CADM2: variants seen among roughly 807,000 people sequenced by gnomAD.
The protein encoded by CADM2 is immunoglobulin superfamily member 4D.
Under a neutral mutation model 49.8 loss-of-function variants are expected in CADM2, and 12 were observed. The observed-to-expected ratio is 0.24, with a 90% CI of 0.15 to 0.39. CADM2 has a LOEUF of 0.39. CADM2 is among the 10% of genes least tolerant of loss of function. CADM2 has a pLI of 1.00. For missense variants in CADM2, 378 were observed against 492.3 expected, an observed-to-expected ratio of 0.77 and a Z score of 2.20; for synonymous variants, 214 against 175.4, an observed-to-expected ratio of 1.22 and a Z score of -1.74.
intron 1 of CADM2, among the ~76,000 whole-genome samples, chr3:85,270,506 T>A (rs1474227175): frequency 6.6e-6 from 1 of 151,428 alleles, no homozygotes; most frequent in Non-Finnish European, 1.5e-5. Context: ...CTTATTTTAT[T>A]AGGTTCCCTT....
rs1282325065 is a variant in CADM2, at chr3:85,579,709, TA to T, written c.62-146809del. Among the ~76,000 whole-genome samples, 8 of 152,254 alleles carry T rather than the reference TA, an allele frequency of 5.3e-5. No homozygotes were observed. In the South Asian group the frequency reaches 1.2e-3, roughly 24 times the overall value. ...AGTGCCAGTGACCTAATGAAACATT[TA>T]AAATGATGAATGGCCTTGTGTAGAA... On this transcript the variant is annotated intron_variant, in intron 1 of 9. Transcript: ENST00000383699.
intron 1 of CADM2, among the ~76,000 whole-genome samples, chr3:85,675,028 A>G (rs2107643238): frequency 6.6e-6 from 1 of 152,300 alleles, no homozygotes; most frequent in Non-Finnish European, 1.5e-5. Flanking sequence ...TGTGCATTAT[A>G]AAGTATTTGC....
chr3:84,958,989 G>C lies in CADM2; in HGVS notation c.-619G>C, dbSNP rs928267163. ...AGCTTGCCCTTGTGTCTGGTGCTTCGTAGAGCTGCCGCCGTCGCCGCTGCC... is the reference window on the plus strand; with the variant it reads ...AGCTTGCCCTTGTGTCTGGTGCTTCCTAGAGCTGCCGCCGTCGCCGCTGCC... On this transcript the variant is annotated 5_prime_UTR_variant, in exon 1 of 10. Transcript: ENST00000383699. 2.0e-5 allele frequency: 4 copies of C among 196,010 alleles called. No individual in the cohort carries two copies. The highest frequency in any genetic ancestry group is 4.1e-5 in the Non-Finnish European group (4 of 97,172). The allele number at this position is 196,010 out of a possible 1,614,324, so 12.1% of individuals were successfully genotyped here. A position where few individuals can be genotyped will look rare whatever the true frequency, so the allele number is the denominator to read the frequency against.
chr3:85,919,592 G>A (rs1718834878), intron 6 of CADM2, among the ~76,000 whole-genome samples: 1 of 151,772 alleles, frequency 6.6e-6, no homozygotes, highest in African/African-American at 2.4e-5. Flanking sequence ...TGACCTTCTT[G>A]ATGATTATAT....
At chr3:85,383,544 A>G (rs941896223) in intron 1 of CADM2, among the ~76,000 whole-genome samples, 1 of 146,822 alleles carries the variant, frequency 6.8e-6, no homozygotes, top group Non-Finnish European at 1.5e-5. Flanking sequence ...ATATACATAT[A>G]TATATACATA....
At chr3:85,259,099 A>G (rs1311030794) in intron 1 of CADM2, among the ~76,000 whole-genome samples, 1 of 152,146 alleles carries the variant, frequency 6.6e-6, no homozygotes, top group African/African-American at 2.4e-5. Flanking sequence ...AGGCTTTACA[A>G]AGGGAAACTA....
chr3:85,853,875 A>C (rs2075202519), intron 3 of CADM2, among the ~76,000 whole-genome samples: 1 of 152,140 alleles, frequency 6.6e-6, no homozygotes, highest in South Asian at 2.1e-4. Flanking sequence ...TCATTACTAA[A>C]GGGCTAACTT....
intron 1 of CADM2, among the ~76,000 whole-genome samples, chr3:85,603,352 A>G (rs2063464370): frequency 6.6e-6 from 1 of 151,862 alleles, no homozygotes; most frequent in African/African-American, 2.4e-5. Flanking sequence ...CAGTTTAACT[A>G]CTTAACTTTG....
intron 1 of CADM2, among the ~76,000 whole-genome samples, chr3:85,230,828 A>G (rs958890515): frequency 6.6e-6 from 1 of 152,030 alleles, no homozygotes; most frequent in Non-Finnish European, 1.5e-5. Context: ...GTCCTTTTGA[A>G]CCTTCTCATT....
chr3:85,251,353 T>G (rs1463486813), intron 1 of CADM2, among the ~76,000 whole-genome samples: 1 of 151,844 alleles, frequency 6.6e-6, no homozygotes, highest in African/African-American at 2.4e-5. Context: ...CAGATCCAAG[T>G]AGGAAATTAC....
chr3:85,211,852 A>G (rs1330754951), intron 1 of CADM2, among the ~76,000 whole-genome samples: 1 of 151,994 alleles, frequency 6.6e-6, no homozygotes, highest in Non-Finnish European at 1.5e-5. Context: ...TGTCTGGATG[A>G]TTTTTCAAAT....
chr3:85,941,060 A>T (rs1461764608), intron 7 of CADM2, among the ~76,000 whole-genome samples: 1 of 152,096 alleles, frequency 6.6e-6, no homozygotes, highest in African/African-American at 2.4e-5. Context: ...GTTCACTCTT[A>T]CACATCAAGT....
intron 1 of CADM2, among the ~76,000 whole-genome samples, chr3:85,179,549 A>G (rs1156522385): frequency 6.6e-6 from 1 of 151,982 alleles, no homozygotes; most frequent in Non-Finnish European, 1.5e-5. Context: ...TTTCTACATT[A>G]TCTCTTTTCT....
At chr3:85,968,420 G>A (rs1725723325) in intron 8 of CADM2, among the ~76,000 whole-genome samples, 1 of 151,626 alleles carries the variant, frequency 6.6e-6, no homozygotes, top group African/African-American at 2.4e-5. Context: ...GTTTTAAGAT[G>A]AGCATAAAGT....
At chr3:85,554,491 A>G (rs1447992598) in intron 1 of CADM2, among the ~76,000 whole-genome samples, 1 of 152,142 alleles carries the variant, frequency 6.6e-6, no homozygotes, top group Non-Finnish European at 1.5e-5. Context: ...CCAAGAATCA[A>G]TTATAGACGC....
At chr3:85,762,558 G>C (rs2069440565) in intron 2 of CADM2, among the ~76,000 whole-genome samples, 1 of 148,376 alleles carries the variant, frequency 6.7e-6, no homozygotes, top group African/African-American at 2.5e-5. Context: ...TCCCTACATT[G>C]TTTTGGCAAT....
At chr3:86,061,993 G>T (rs1272997313) in intron 8 of CADM2, among the ~76,000 whole-genome samples, 2 of 150,676 alleles carry the variant, frequency 1.3e-5, no homozygotes, top group African/African-American at 2.4e-5. Flanking sequence ...TGGTGGGGGG[G>T]GGGTTGAATT....
intron 1 of CADM2, among the ~76,000 whole-genome samples, chr3:85,034,937 G>A (rs2035150014): frequency 6.6e-6 from 1 of 151,404 alleles, no homozygotes. Context: ...CAAGTAGCTC[G>A]GATTACAATT....
intron 1 of CADM2, among the ~76,000 whole-genome samples, chr3:85,696,061 A>G (rs1559598292): frequency 6.6e-6 from 1 of 151,978 alleles, no homozygotes; most frequent in Non-Finnish European, 1.5e-5. Context: ...TTCCATTTGT[A>G]TATCTTTTTT....
Sources: allele counts gnomAD v4.1 joint callset (sites outside exome capture counted in the v4.1 genomes callset), GRCh38; gene constraint gnomAD v4.1.1; transcripts MANE v1.5; gene names NCBI Gene and HGNC (gene_info 2026-07-23, HGNC 2026-07-21).